Variants in PARD3B observed in about 807,000 individuals in gnomAD.
PARD3B encodes par-3 family cell polarity regulator beta, also known as partitioning defective 3 homolog B.
In PARD3B, 103 loss-of-function variants were observed where a neutral mutation model predicts 130.2. The ratio of observed to expected loss-of-function variants is 0.79; its 90% confidence interval spans 0.67 to 0.93. The LOEUF is 0.93. PARD3B is among the 40% of genes least tolerant of loss of function. PARD3B has a pLI of 0.00. For synonymous variants in PARD3B, 583 were observed against 553.2 expected (o/e 1.05, Z -0.76); for missense variants, 1,609 against 1,499.2 (o/e 1.07, Z -1.21).
At chr2:204,556,895 GT>G (rs2030959330) in intron 1 of PARD3B, among the ~76,000 whole-genome samples, 1 of 151,810 alleles carries the variant, frequency 6.6e-6, no homozygotes, top group Non-Finnish European at 1.5e-5. Flanking sequence ...CTGCAAAACT[GT>G]TTTCAACAAA....
At chr2:204,803,156 AAAAAAAAAT>A (rs972591379) in intron 2 of PARD3B, among the ~76,000 whole-genome samples, 33 of 134,720 alleles carry the variant, frequency 2.4e-4, no homozygotes, top group Middle Eastern at 4.0e-3. Flanking sequence ...AAAAAAAAAA[AAAAAAAAAT>A]ATATATATAT....
intron 22 of PARD3B, among the ~76,000 whole-genome samples, chr2:205,600,337 T>C (rs1487547964): frequency 1.3e-5 from 2 of 152,062 alleles, no homozygotes; most frequent in Non-Finnish European, 2.9e-5. Flanking sequence ...GGAGAGGTGA[T>C]TGGTTTAATT....
intron 1 of PARD3B, among the ~76,000 whole-genome samples, chr2:204,665,703 G>A (rs1230050640): frequency 1.3e-5 from 2 of 152,178 alleles, no homozygotes; most frequent in Non-Finnish European, 2.9e-5. Flanking sequence ...GACACAGTCT[G>A]TGACCTCTAA....
chr2:205,239,699 G>A (rs868233841), intron 15 of PARD3B, among the ~76,000 whole-genome samples: 17 of 152,264 alleles, frequency 1.1e-4, no homozygotes, highest in Middle Eastern at 3.4e-3. Context: ...TGGATAGTTG[G>A]ATAACGATGA....
At chr2:204,618,255 A>T (rs532351989) in intron 1 of PARD3B, among the ~76,000 whole-genome samples, 1 of 152,170 alleles carries the variant, frequency 6.6e-6, no homozygotes, top group African/African-American at 2.4e-5. Context: ...TGTGCCCTGA[A>T]TAGTGCTGTG....
At chr2:205,290,559 T>C (rs954015903) in intron 16 of PARD3B, among the ~76,000 whole-genome samples, 1 of 152,212 alleles carries the variant, frequency 6.6e-6, no homozygotes, top group Non-Finnish European at 1.5e-5. Context: ...CTCAGGAATG[T>C]GAAGGGAAAT....
intron 3 of PARD3B, among the ~76,000 whole-genome samples, chr2:204,991,340 T>C (rs1396919355): frequency 1.4e-5 from 2 of 146,078 alleles, no homozygotes; most frequent in African/African-American, 5.1e-5. Context: ...GGTTTTTTGT[T>C]CTTGCGATAG....
intron 2 of PARD3B, among the ~76,000 whole-genome samples, chr2:204,795,006 T>C (rs1192939118): frequency 1.3e-5 from 2 of 152,182 alleles, no homozygotes; most frequent in East Asian, 3.9e-4. Flanking sequence ...GGTGTCATTG[T>C]CCCTCAGAAC....
At chr2:204,899,269 C>CCTTCCTTCCTTCCTTCCTTCCTTCCTGT (rs2046769792) in intron 2 of PARD3B, among the ~76,000 whole-genome samples, 5 of 124,838 alleles carry the variant, frequency 4.0e-5, no homozygotes, top group African/African-American at 1.2e-4. Context: ...TTCCTTCCTT[C>CCTTCCTTCCTTCCTTCCTTCCTTCCTGT]CTTCCTTCCT....
intron 21 of PARD3B, among the ~76,000 whole-genome samples, chr2:205,503,072 T>A (rs894757507): frequency 6.6e-6 from 1 of 151,036 alleles, no homozygotes; most frequent in Non-Finnish European, 1.5e-5. Flanking sequence ...CTCCCCTTTT[T>A]CCTCCCTTCT....
At chr2:205,587,285 G>A (rs2106588155) in intron 22 of PARD3B, among the ~76,000 whole-genome samples, 1 of 152,312 alleles carries the variant, frequency 6.6e-6, no homozygotes, top group East Asian at 1.9e-4. Flanking sequence ...TATATTTGCG[G>A]TGTAGATTCG....
At chr2:205,388,550 C>G (rs562931976) in intron 18 of PARD3B, among the ~76,000 whole-genome samples, 1 of 152,246 alleles carries the variant, frequency 6.6e-6, no homozygotes, top group East Asian at 1.9e-4. Context: ...TGTAATAGCT[C>G]TTTCTGAATT....
intron 11 of PARD3B, among the ~76,000 whole-genome samples, chr2:205,167,561 C>T (rs1417432875): frequency 2.0e-5 from 3 of 152,114 alleles, no homozygotes; most frequent in Non-Finnish European, 2.9e-5. Flanking sequence ...GCAATTTCTT[C>T]TTTTATAAAA....
At chr2:205,203,712 C>T (rs1306824658) in intron 15 of PARD3B, among the ~76,000 whole-genome samples, 1 of 152,150 alleles carries the variant, frequency 6.6e-6, no homozygotes, top group Non-Finnish European at 1.5e-5. Flanking sequence ...ATTTAGTTTT[C>T]TGTTCCTGTG....
Position 205,000,817 on chromosome 2 carries a change from A to T in PARD3B, c.394+35494A>T, listed in dbSNP as rs575110462. Among the ~76,000 whole-genome samples the T allele has an allele frequency of 6.6e-5, 10 of 152,250 alleles. No homozygotes were observed. The South Asian group carries it at 2.1e-3, about 32-fold the overall frequency. ...TATTGCTTGAGACACTGAACTTCTT[A>T]AATCTGTGCAAGGTACTGTCACTAG... On this transcript the variant is annotated intron_variant, in intron 3 of 22. Transcript: ENST00000406610.
intron 2 of PARD3B, among the ~76,000 whole-genome samples, chr2:204,855,082 A>G (rs1431940358): frequency 3.9e-5 from 6 of 152,120 alleles, no homozygotes; most frequent in African/African-American, 1.2e-4. Flanking sequence ...GCTGGTGTCA[A>G]TATATTGACC....
At chr2:204,905,845 C>T (rs1172383282) in intron 2 of PARD3B, among the ~76,000 whole-genome samples, 1 of 152,038 alleles carries the variant, frequency 6.6e-6, no homozygotes, top group Admixed American at 6.6e-5. Flanking sequence ...CTCTTGAGGA[C>T]CAGTAGCAAA....
Position 204,821,793 on chromosome 2 carries a change from C to T in PARD3B, c.222+135511C>T, listed in dbSNP as rs115379161. 7.4e-3 allele frequency among the ~76,000 whole-genome samples: 1,129 copies of T among 152,242 alleles called. 11 individuals carry two copies. The highest frequency in any genetic ancestry group is 0.026 in the African/African-American group (1,066 of 41,550). ...TTTGCCTGCCACCATCCATGTGAGA[C>T]GTGACTAGCTTCTTCTTGCCTTCCA... On this transcript the variant is annotated intron_variant, in intron 2 of 22. Transcript: ENST00000406610.
In PARD3B at chr2:205,097,870, G is replaced by C. The variant is rs79838638; in HGVS notation, c.505-6556G>C. Reference sequence around the variant, plus strand: ...GTGTGTGTGTGTGTAGTAAATTATAGGCATATTAATTGCTAAGACTGAAAC... The same window carrying C: ...GTGTGTGTGTGTGTAGTAAATTATACGCATATTAATTGCTAAGACTGAAAC... On this transcript the variant is annotated intron_variant, in intron 4 of 22. Transcript: ENST00000406610. Among the ~76,000 whole-genome samples the C allele has an allele frequency of 4.3e-3, 649 of 151,352 alleles. 9 individuals are homozygous for C. Among genetic ancestry groups the C allele is most frequent in the African/African-American group, 0.015 (623 of 41,242 alleles).
Sources: allele counts gnomAD v4.1 joint callset (sites outside exome capture counted in the v4.1 genomes callset), GRCh38; gene constraint gnomAD v4.1.1; transcripts MANE v1.5; gene names NCBI Gene and HGNC (gene_info 2026-07-23, HGNC 2026-07-21).